Variants in KLHL6 observed in about 807,000 individuals in gnomAD.
The protein encoded by KLHL6 is kelch like family member 6.
KLHL6 carries 41 observed loss-of-function variants against 58.6 expected under a neutral mutation model. The ratio of observed to expected loss-of-function variants is 0.70; its 90% CI spans 0.55 to 0.91. KLHL6 has a LOEUF of 0.91. Among genes scored for constraint, KLHL6 ranks in the 40% least tolerant of loss-of-function variants. The probability of loss-of-function intolerance (pLI) is 0.00; values close to 1 mark genes in which losing one functional copy is unlikely to be tolerated. For synonymous variants in KLHL6, 338 were observed against 322.7 expected (o/e 1.05, Z -0.51); for missense variants, 714 against 805.6 (o/e 0.89, Z 1.38).
intron 4 of KLHL6, among the ~76,000 whole-genome samples, chr3:183,498,805 C>T (rs767249928): frequency 6.6e-6 from 1 of 152,108 alleles, no homozygotes; most frequent in Non-Finnish European, 1.5e-5. Flanking sequence ...CACAAAGTAA[C>T]GATCAATACT....
intron 3 of KLHL6, among the ~76,000 whole-genome samples, chr3:183,501,916 G>A (rs1159928563): frequency 6.6e-6 from 1 of 152,172 alleles, no homozygotes; most frequent in African/African-American, 2.4e-5. Flanking sequence ...CCTGATGGCA[G>A]GAACAGCCCT....
intron 1 of KLHL6, among the ~76,000 whole-genome samples, chr3:183,547,336 A>G (rs1712760445): frequency 6.6e-6 from 1 of 152,220 alleles, no homozygotes; most frequent in African/African-American, 2.4e-5. Context: ...ATATCCAAAG[A>G]ATTCTGAATG....
intron 4 of KLHL6, among the ~76,000 whole-genome samples, chr3:183,498,228 T>G (rs1207466698): frequency 6.6e-6 from 1 of 152,078 alleles, no homozygotes; most frequent in Non-Finnish European, 1.5e-5. Context: ...AGCTAGACTC[T>G]GTCTCAAAAA....
intron 4 of KLHL6, among the ~76,000 whole-genome samples, chr3:183,498,211 G>A (rs1194727842): frequency 6.6e-6 from 1 of 152,134 alleles, no homozygotes. Flanking sequence ...TCCAGCCTGG[G>A]CAACAGAGCT....
At chr3:183,548,962 A>C (rs1318377328) in intron 1 of KLHL6, 1 of 151,722 alleles carries the variant, frequency 6.6e-6, no homozygotes, top group South Asian at 2.1e-4. Context: ...ACATGGACAC[A>C]GGTAGGGGAA....
intron 1 of KLHL6, among the ~76,000 whole-genome samples, chr3:183,538,698 G>A (rs1712444024): frequency 6.6e-6 from 1 of 152,216 alleles, no homozygotes; most frequent in South Asian, 2.1e-4. Context: ...GCAGATGCAA[G>A]TGTGACCTAG....
chr3:183,543,043 A>G (rs2108694222), intron 1 of KLHL6, among the ~76,000 whole-genome samples: 1 of 152,342 alleles, frequency 6.6e-6, no homozygotes, highest in East Asian at 1.9e-4. Context: ...CTGTAATCCC[A>G]GCACTTTGGG....
intron 4 of KLHL6, among the ~76,000 whole-genome samples, chr3:183,496,001 A>ACCT (rs1717703329): frequency 6.6e-6 from 1 of 152,222 alleles, no homozygotes; most frequent in South Asian, 2.1e-4. Flanking sequence ...ATAAAATTCA[A>ACCT]ATGTTACTGC....
In KLHL6 at chr3:183,555,374, T is replaced by A. The variant is rs1216422440; in HGVS notation, c.280A>T (p.Ser94Cys). ...AGGCATGCTGACCTGAAATAGTTGC[T>A]GGCTGCGGCAAGCACCACGCGGTGG... is the stretch of plus-strand genomic sequence containing the variant. The part of the protein sequence containing the change: ...SCHRVVLAAA[S>C]NYFRAMFCND... Residue 94 changes from serine (S) to cysteine (C), a missense_variant, in exon 1 of 7, where the codon AGC becomes TGC. Ser to Cys is a moderately radical substitution (Grantham distance 112). Transcript: ENST00000341319. 1 of 1,614,036 alleles carries A rather than the reference T, an allele frequency of 6.2e-7. No homozygotes were observed. The highest frequency in any genetic ancestry group is 8.5e-7 in the Non-Finnish European group (1 of 1,179,922).
At chr3:183,551,296 C>T (rs1421702755) in intron 1 of KLHL6, among the ~76,000 whole-genome samples, 1 of 152,020 alleles carries the variant, frequency 6.6e-6, no homozygotes, top group African/African-American at 2.4e-5. Context: ...GCAGGTGAAT[C>T]CCAGCCAGCG....
At chr3:183,498,100 G>A (rs1577176516) in intron 4 of KLHL6, among the ~76,000 whole-genome samples, 1 of 152,110 alleles carries the variant, frequency 6.6e-6, no homozygotes, top group East Asian at 1.9e-4. Context: ...CGGATGTGGT[G>A]CCACGTGCCT....
intron 1 of KLHL6, among the ~76,000 whole-genome samples, chr3:183,547,230 T>A (rs1272353708): frequency 6.6e-6 from 1 of 152,170 alleles, no homozygotes; most frequent in African/African-American, 2.4e-5. Context: ...CTTTATTTAT[T>A]CCACTTAGGA....
intron 1 of KLHL6, among the ~76,000 whole-genome samples, chr3:183,553,811 C>T (rs529233015): frequency 6.6e-6 from 1 of 152,134 alleles, no homozygotes; most frequent in South Asian, 2.1e-4. Context: ...CATGCTGTTA[C>T]AAAAATAAAA....
intron 1 of KLHL6, among the ~76,000 whole-genome samples, chr3:183,550,573 T>A (rs148400406): frequency 0.019 from 2,884 of 152,042 alleles, 95 homozygotes; most frequent in African/African-American, 0.067. Context: ...GGTGGGTGGA[T>A]CACCTGAGGT....
At chr3:183,510,777 A>C (rs1718160335) in intron 2 of KLHL6, among the ~76,000 whole-genome samples, 3 of 152,116 alleles carry the variant, frequency 2.0e-5, no homozygotes, top group South Asian at 4.1e-4. Context: ...AGGAGGCTGC[A>C]GCAGGAGAAT....
chr3:183,523,426 C>A (rs1262535485), intron 2 of KLHL6, among the ~76,000 whole-genome samples: 3 of 152,236 alleles, frequency 2.0e-5, no homozygotes, highest in African/African-American at 7.2e-5. Context: ...TCTGTGGGAG[C>A]CCCTCCTGGG....
chr3:183,534,537 C>T (rs1441552681), intron 1 of KLHL6, among the ~76,000 whole-genome samples: 11 of 151,716 alleles, frequency 7.3e-5, no homozygotes, highest in Non-Finnish European at 8.8e-5. Flanking sequence ...CCAAGTGGCT[C>T]GGACTAGAGG....
chr3:183,546,229 T>C (rs1712712931), intron 1 of KLHL6, among the ~76,000 whole-genome samples: 1 of 152,264 alleles, frequency 6.6e-6, no homozygotes, highest in Non-Finnish European at 1.5e-5. Flanking sequence ...TCCATATCTC[T>C]GATGCCTATG....
In KLHL6 at chr3:183,499,016, C is replaced by G. The variant is rs936512150; in HGVS notation, c.1147+574G>C. Among the ~76,000 whole-genome samples, 5 of 152,304 alleles carry G rather than the reference C, an allele frequency of 3.3e-5. No homozygotes were observed. Among genetic ancestry groups the G allele is most frequent in the Middle Eastern group, 3.4e-3 (1 of 294 alleles). On this transcript the variant is annotated intron_variant, in intron 4 of 6. Coordinates refer to ENST00000341319, the MANE Select transcript of KLHL6 (RefSeq NM_130446.4). This position sits in a 1 kb window ranked among gnomAD's most constrained non-coding sequence, Gnocchi z 4.6. Reference sequence around the variant, plus strand: ...TCTTCTTTTTCTGGGAAGGACTAGACTTGTCTGCCTCCTCCCCAGGTTTTC... The same window carrying G: ...TCTTCTTTTTCTGGGAAGGACTAGAGTTGTCTGCCTCCTCCCCAGGTTTTC...
Sources: allele counts gnomAD v4.1 joint callset (sites outside exome capture counted in the v4.1 genomes callset), GRCh38; gene constraint gnomAD v4.1.1; non-coding constraint Gnocchi (gnomAD v3.1); transcripts MANE v1.5; gene names NCBI Gene and HGNC (gene_info 2026-07-23, HGNC 2026-07-21).